Variants in DPY19L3 observed in about 807,000 individuals in gnomAD.
The protein encoded by DPY19L3 is dpy-19 like C-mannosyltransferase 3, also known as protein C-mannosyl-transferase DPY19L3.
DPY19L3 carries 51 observed loss-of-function variants against 92.3 expected under a neutral mutation model. The observed-to-expected ratio is 0.55, with a 90% CI of 0.44 to 0.70. The LOEUF is 0.70. Among genes scored for constraint, DPY19L3 ranks in the 30% least tolerant of loss-of-function variants. The pLI is 0.00. For synonymous variants in DPY19L3, 309 were observed against 315.2 expected (o/e 0.98, Z 0.21); for missense variants, 706 against 855.9 (o/e 0.82, Z 2.18).
At chr19:32,443,061 A>G (rs930991956) in intron 8 of DPY19L3, among the ~76,000 whole-genome samples, 2 of 152,078 alleles carry the variant, frequency 1.3e-5, no homozygotes. Flanking sequence ...TGAGACTCTA[A>G]CCACCACCCA....
intron 2 of DPY19L3, among the ~76,000 whole-genome samples, chr19:32,411,036 A>G (rs1477100926): frequency 6.6e-6 from 1 of 152,256 alleles, no homozygotes; most frequent in Non-Finnish European, 1.5e-5. Context: ...CAGAATGGAC[A>G]CATGGACAGT....
intron 12 of DPY19L3, among the ~76,000 whole-genome samples, chr19:32,460,370 C>T (rs900576931): frequency 4.6e-5 from 7 of 152,104 alleles, no homozygotes; most frequent in African/African-American, 1.7e-4. Flanking sequence ...ATAATTGCAC[C>T]ATTGCACTCT....
At chr19:32,428,391 C>A (rs1027976366) in intron 3 of DPY19L3, among the ~76,000 whole-genome samples, 1 of 151,910 alleles carries the variant, frequency 6.6e-6, no homozygotes, top group Non-Finnish European at 1.5e-5. Context: ...ATGTAGGGAC[C>A]ACTGCAATGA....
At chr19:32,476,987 C>T (rs149606746) in intron 16 of DPY19L3, among the ~76,000 whole-genome samples, 2 of 152,066 alleles carry the variant, frequency 1.3e-5, no homozygotes, top group African/African-American at 2.4e-5. Flanking sequence ...TCATGATCAC[C>T]TGCAGTTTCT....
rs374500716 is a variant in DPY19L3 at position 32,478,205 on chromosome 19, G to A, written c.1830+551G>A. 3.0e-4 allele frequency among the ~76,000 whole-genome samples: 46 copies of A among 152,296 alleles called. 2 individuals are homozygous for A. In the South Asian group the frequency reaches 8.3e-3, roughly 27 times the overall value. Reference sequence around the variant, plus strand: ...CTGCCTGCCCATATCCACTAAGGACGTGCCATTAGACCACAGGTCCTCCCC... The same window carrying A: ...CTGCCTGCCCATATCCACTAAGGACATGCCATTAGACCACAGGTCCTCCCC... On this transcript the variant is annotated intron_variant, in intron 17 of 18. Coordinates refer to ENST00000392250, the MANE Select transcript of DPY19L3 (RefSeq NM_001172774.2).
intron 3 of DPY19L3, among the ~76,000 whole-genome samples, chr19:32,430,245 T>G (rs1212947468): frequency 6.6e-6 from 1 of 151,896 alleles, no homozygotes; most frequent in African/African-American, 2.4e-5. Flanking sequence ...AGAAATTAGG[T>G]GGACATAGTG....
chr19:32,479,379 G>A (rs1970605908), intron 17 of DPY19L3, among the ~76,000 whole-genome samples: 1 of 151,944 alleles, frequency 6.6e-6, no homozygotes, highest in Non-Finnish European at 1.5e-5. Context: ...AGAACGTCCT[G>A]GGCATCTCCT....
intron 3 of DPY19L3, among the ~76,000 whole-genome samples, chr19:32,425,609 G>C (rs1201107404): frequency 6.6e-6 from 1 of 152,032 alleles, no homozygotes; most frequent in Non-Finnish European, 1.5e-5. Context: ...TGATCCATGG[G>C]CTGTAGAATA....
chr19:32,436,395 GAATA>G, intron 4 of DPY19L3, 47 bp from the exon 5 acceptor site: 1 of 1,308,588 alleles, frequency 7.6e-7, no homozygotes, highest in Non-Finnish European at 1.0e-6. Flanking sequence ...TTGAATGAAT[GAATA>G]ATTATGAGTG....
intron 9 of DPY19L3, among the ~76,000 whole-genome samples, chr19:32,453,648 A>G (rs978338744): frequency 2.6e-5 from 4 of 152,114 alleles, no homozygotes; most frequent in Non-Finnish European, 4.4e-5. Context: ...CGTGTTCATT[A>G]CAGTCCTTCA....
At chr19:32,435,767 C>T (rs1213283783) in intron 4 of DPY19L3, among the ~76,000 whole-genome samples, 1 of 152,188 alleles carries the variant, frequency 6.6e-6, no homozygotes, top group Admixed American at 6.5e-5. Flanking sequence ...GTGAACTATC[C>T]ATTCATGCCT....
chr19:32,480,361 T>C, intron 17 of DPY19L3, 38 bp from the exon 18 acceptor site: 1 of 1,584,740 alleles, frequency 6.3e-7, no homozygotes, highest in Non-Finnish European at 8.6e-7. Context: ...GGCAGTCAAG[T>C]AGCATTTGCC....
intron 4 of DPY19L3, among the ~76,000 whole-genome samples, chr19:32,435,318 A>G (rs1447546497): frequency 1.3e-5 from 2 of 152,294 alleles, no homozygotes; most frequent in African/African-American, 4.8e-5. Flanking sequence ...GCTTCAGCAT[A>G]CAAATTTGTG....
chr19:32,466,100 C>G (rs1180807019), intron 15 of DPY19L3, among the ~76,000 whole-genome samples: 1 of 152,128 alleles, frequency 6.6e-6, no homozygotes, highest in Admixed American at 6.5e-5. Flanking sequence ...AGGTTCAGTT[C>G]TTTTATGTCT....
intron 4 of DPY19L3, among the ~76,000 whole-genome samples, chr19:32,433,872 C>T (rs573590355): frequency 5.3e-5 from 8 of 152,268 alleles, no homozygotes; most frequent in South Asian, 4.1e-4. Flanking sequence ...ACCAGCCCTT[C>T]GCTTAGTGGT....
intron 2 of DPY19L3, 45 bp from the exon 3 acceptor site, chr19:32,411,194 T>A (rs747248203): frequency 6.4e-7 from 1 of 1,572,826 alleles, no homozygotes; most frequent in Admixed American, 1.8e-5. Context: ...TACATTCTGA[T>A]TTTTTTACTG....
intron 3 of DPY19L3, among the ~76,000 whole-genome samples, chr19:32,430,072 T>G (rs984580840): frequency 5.9e-5 from 9 of 152,324 alleles, no homozygotes; most frequent in East Asian, 3.9e-4. Flanking sequence ...GTAGCCTTTT[T>G]ATAACGCAAG....
intron 8 of DPY19L3, among the ~76,000 whole-genome samples, chr19:32,449,469 A>T (rs1205227981): frequency 1.3e-5 from 2 of 152,160 alleles, no homozygotes; most frequent in East Asian, 3.8e-4. Flanking sequence ...AGCTACAACA[A>T]TCTTGAAAAA....
intron 3 of DPY19L3, among the ~76,000 whole-genome samples, chr19:32,416,341 G>A (rs946050093): frequency 4.6e-5 from 7 of 152,190 alleles, no homozygotes; most frequent in Non-Finnish European, 7.3e-5. Flanking sequence ...AACGAGCACC[G>A]GGAGGAGCAG....
Sources: allele counts gnomAD v4.1 joint callset (sites outside exome capture counted in the v4.1 genomes callset), GRCh38; gene constraint gnomAD v4.1.1; transcripts MANE v1.5; gene names NCBI Gene and HGNC (gene_info 2026-07-23, HGNC 2026-07-21).